Variants in ROBO2 observed in about 807,000 individuals in gnomAD.
ROBO2 encodes roundabout homolog 2.
ROBO2 carries 53 observed loss-of-function variants against 160.8 expected under a neutral mutation model. The observed-to-expected ratio is 0.33, with a 90% CI of 0.26 to 0.41. The LOEUF (loss-of-function observed/expected upper bound fraction) is 0.41. Ranked by LOEUF, ROBO2 falls within the 10% of genes least tolerant of loss-of-function variation. ROBO2 has a pLI of 1.00. For missense variants in ROBO2, 1,577 were observed against 1,722.4 expected, an observed-to-expected ratio of 0.92 and a Z score of 1.49; for synonymous variants, 664 against 611.7, an observed-to-expected ratio of 1.09 and a Z score of -1.26.
intron 2 of ROBO2, among the ~76,000 whole-genome samples, chr3:76,741,875 G>A (rs1270431784): frequency 6.6e-6 from 1 of 151,904 alleles, no homozygotes; most frequent in African/African-American, 2.4e-5. Flanking sequence ...ATACTTTAGG[G>A]CATTGAGAGG....
intron 2 of ROBO2, among the ~76,000 whole-genome samples, chr3:76,590,594 A>T (rs943829106): frequency 1.3e-5 from 2 of 152,156 alleles, no homozygotes; most frequent in Non-Finnish European, 2.9e-5. Context: ...AAAGGATATA[A>T]ATTTTTGGTG....
At chr3:76,459,588 A>G (rs2106741850) in intron 2 of ROBO2, among the ~76,000 whole-genome samples, 2 of 152,276 alleles carry the variant, frequency 1.3e-5, no homozygotes, top group South Asian at 4.1e-4. Context: ...AATAGCTACT[A>G]GTAGTAAATG....
chr3:77,001,174 G>A (rs777734266), intron 2 of ROBO2, among the ~76,000 whole-genome samples: 14 of 152,098 alleles, frequency 9.2e-5, no homozygotes, highest in Non-Finnish European at 1.5e-4. Flanking sequence ...ATCTGATACC[G>A]TACTTTGAGG....
chr3:77,588,462 C>T (rs2094106823), intron 16 of ROBO2, among the ~76,000 whole-genome samples: 1 of 150,288 alleles, frequency 6.7e-6, no homozygotes, highest in African/African-American at 2.5e-5. Context: ...AATTCAACTC[C>T]TAGTACTTAT....
At chr3:76,402,795 T>A (rs1039495077) in intron 2 of ROBO2, among the ~76,000 whole-genome samples, 3 of 151,646 alleles carry the variant, frequency 2.0e-5, no homozygotes, top group Non-Finnish European at 4.4e-5. Flanking sequence ...ATTTCTCTGA[T>A]GCAGTTGTTT....
intron 2 of ROBO2, among the ~76,000 whole-genome samples, chr3:77,136,791 C>A (rs923015029): frequency 2.6e-5 from 4 of 151,848 alleles, no homozygotes; most frequent in African/African-American, 9.7e-5. Context: ...TGCATGCCAC[C>A]ATGCCCAGCT....
intron 2 of ROBO2, among the ~76,000 whole-genome samples, chr3:76,404,551 G>A (rs1349727822): frequency 1.3e-5 from 2 of 151,464 alleles, no homozygotes; most frequent in Non-Finnish European, 3.0e-5. Context: ...AGGCATAGTC[G>A]ATCAGGTAGT....
At chr3:77,293,164 T>C (rs2153396419) in intron 2 of ROBO2, among the ~76,000 whole-genome samples, 1 of 142,908 alleles carries the variant, frequency 7.0e-6, no homozygotes, top group Non-Finnish European at 1.5e-5. Context: ...AATGGGAAGT[T>C]GAGGCTAGAA....
chr3:76,599,112 T>C (rs754794028), intron 2 of ROBO2, among the ~76,000 whole-genome samples: 2 of 152,074 alleles, frequency 1.3e-5, no homozygotes, highest in African/African-American at 4.8e-5. Flanking sequence ...CATGTGCAGG[T>C]TTATTATAGA....
intron 2 of ROBO2, among the ~76,000 whole-genome samples, chr3:77,349,984 A>G (rs2068123156): frequency 6.6e-6 from 1 of 151,992 alleles, no homozygotes; most frequent in Non-Finnish European, 1.5e-5. Context: ...TGATTGCAGT[A>G]TGGCTTTTGT....
At chr3:76,809,216 T>TAGGCTGAA (rs2108963051) in intron 2 of ROBO2, among the ~76,000 whole-genome samples, 2 of 152,282 alleles carry the variant, frequency 1.3e-5, no homozygotes, top group African/African-American at 4.8e-5. Flanking sequence ...GCTGAAATTT[T>TAGGCTGAA]ATCAGAGGCT....
chr3:77,102,177 C>T (rs1227367199), intron 2 of ROBO2, among the ~76,000 whole-genome samples: 2 of 152,186 alleles, frequency 1.3e-5, no homozygotes, highest in Non-Finnish European at 2.9e-5. Context: ...ATGGAAGTAG[C>T]AAATGCTGCC....
At chr3:76,996,549 G>T (rs2061020150) in intron 2 of ROBO2, among the ~76,000 whole-genome samples, 1 of 152,110 alleles carries the variant, frequency 6.6e-6, no homozygotes, top group Non-Finnish European at 1.5e-5. Flanking sequence ...GGACGGTATG[G>T]CTATTTTCAT....
At chr3:76,597,726 G>A (rs1489158666) in intron 2 of ROBO2, among the ~76,000 whole-genome samples, 1 of 151,734 alleles carries the variant, frequency 6.6e-6, no homozygotes, top group Non-Finnish European at 1.5e-5. Context: ...CCCAGTGTCT[G>A]TTGTTCCCCT....
At chr3:77,470,560 A>G (rs1158517451) in intron 2 of ROBO2, among the ~76,000 whole-genome samples, 1 of 152,190 alleles carries the variant, frequency 6.6e-6, no homozygotes, top group African/African-American at 2.4e-5. Flanking sequence ...GGCACATAGT[A>G]TGTACTCACT....
chr3:77,088,095 A>G (rs375797966), intron 1 of ROBO2, among the ~76,000 whole-genome samples: 1 of 152,126 alleles, frequency 6.6e-6, no homozygotes, highest in South Asian at 2.1e-4. Context: ...ATAGCATTTT[A>G]AAAATGTGAT....
chr3:76,373,651 C>A (rs905543674), intron 2 of ROBO2, among the ~76,000 whole-genome samples: 10 of 151,894 alleles, frequency 6.6e-5, no homozygotes, highest in Non-Finnish European at 4.4e-5. Context: ...GGCTTACATA[C>A]CATAAATAAA....
At chr3:77,112,367 A>C (rs1052593297) in intron 2 of ROBO2, among the ~76,000 whole-genome samples, 1 of 151,596 alleles carries the variant, frequency 6.6e-6, no homozygotes, top group Non-Finnish European at 1.5e-5. Flanking sequence ...CCTCAGCCTC[A>C]TGAGTAGCTG....
At chr3:77,635,747 T>A (rs1211501187) in intron 24 of ROBO2, among the ~76,000 whole-genome samples, 1 of 152,210 alleles carries the variant, frequency 6.6e-6, no homozygotes, top group Non-Finnish European at 1.5e-5. Context: ...TAGTCAGCTA[T>A]ACCATCTATG....
Sources: allele counts gnomAD v4.1 joint callset (sites outside exome capture counted in the v4.1 genomes callset), GRCh38; gene constraint gnomAD v4.1.1; transcripts MANE v1.5; gene names NCBI Gene and HGNC (gene_info 2026-07-23, HGNC 2026-07-21).